The following MPPED1 variants were observed in gnomAD, a reference collection of about 807,000 sequenced individuals.
MPPED1 encodes the protein metallophosphoesterase domain-containing protein 1.
Under a neutral mutation model 36.2 loss-of-function variants are expected in MPPED1, and 16 were observed. The observed-to-expected ratio is 0.44, with a 90% CI of 0.30 to 0.67. The LOEUF (loss-of-function observed/expected upper bound fraction) is 0.67, where lower values mean the gene tolerates loss of function less well. Among genes scored for constraint, MPPED1 ranks in the 30% least tolerant of loss-of-function variants. The pLI, the probability that MPPED1 is intolerant of heterozygous loss-of-function variation, is 0.10. For synonymous variants in MPPED1, 199 were observed against 191.3 expected (o/e 1.04, Z -0.33); for missense variants, 307 against 453.4 (o/e 0.68, Z 2.93).
intron 4 of MPPED1, among the ~76,000 whole-genome samples, chr22:43,476,098 G>C (rs1011996428): frequency 6.6e-6 from 1 of 151,424 alleles, no homozygotes; most frequent in African/African-American, 2.4e-5. Context: ...GATGATGATG[G>C]TGATGGCAGG....
At chr22:43,505,421 C>A in intron 6 of MPPED1, 77 bp from the exon 7 acceptor site, 3 of 1,305,038 alleles carry the variant, frequency 2.3e-6, no homozygotes, top group Non-Finnish European at 3.2e-6. Context: ...GGGCTGAGTG[C>A]CCTATGACTG....
At chr22:43,468,862 A>T (rs1310260092) in intron 3 of MPPED1, among the ~76,000 whole-genome samples, 6 of 152,132 alleles carry the variant, frequency 3.9e-5, no homozygotes, top group Non-Finnish European at 8.8e-5. Flanking sequence ...GTGGATGCTT[A>T]GCTTCCGTTG....
chr22:43,421,262 C>T (rs560544636), intron 1 of MPPED1, among the ~76,000 whole-genome samples: 51 of 152,376 alleles, frequency 3.3e-4, no homozygotes, highest in Non-Finnish European at 5.7e-4. Flanking sequence ...CGTGCTGCTG[C>T]GGCTCCATAA....
rs542227195 is a variant in MPPED1 at position 43,491,682 on chromosome 22, G to T, written c.633-6553G>T. ...GGTGGTGATGGTGATGGAGGTGGTG[G>T]TTATGGAGGTGGTGGTGGTGATGGA... On this transcript the variant is annotated intron_variant, in intron 4 of 6. Transcript: ENST00000443721. 1.0e-4 allele frequency among the ~76,000 whole-genome samples: 15 copies of T among 146,034 alleles called. No individual in the cohort carries two copies. The South Asian group carries it at 3.3e-3, about 32-fold the overall frequency.
At chr22:43,419,437 T>C (rs1226824967) in intron 1 of MPPED1, among the ~76,000 whole-genome samples, 1 of 152,046 alleles carries the variant, frequency 6.6e-6, no homozygotes, top group African/African-American at 2.4e-5. Context: ...TGCAGGGCCT[T>C]CTGGACAGAG....
In MPPED1 at chr22:43,507,225, A is replaced by G. The variant is rs1212119016; in HGVS notation, c.*1609A>G. On this transcript the variant is annotated 3_prime_UTR_variant, in exon 7 of 7. Coordinates refer to ENST00000443721, the MANE Select transcript of MPPED1 (RefSeq NM_001044370.2). ...TGCCATGACCCGAAGTTATGTCCCT[A>G]CAAAGCAATGCATGGTCCAAGGCTC... 1 of 152,288 alleles carries G rather than the reference A, an allele frequency of 6.6e-6. No homozygotes were observed. The highest frequency in any genetic ancestry group is 1.5e-5 in the Non-Finnish European group (1 of 68,064). The allele number at this position is 152,288 out of a possible 1,614,324, so 9.4% of individuals were successfully genotyped here.
At chr22:43,498,908 C>T (rs1184035539) in intron 5 of MPPED1, among the ~76,000 whole-genome samples, 1 of 152,182 alleles carries the variant, frequency 6.6e-6, no homozygotes, top group Non-Finnish European at 1.5e-5. Flanking sequence ...TTTCCTCATT[C>T]CCACAGCCTG....
At chr22:43,458,816 C>T (rs564449104) in intron 3 of MPPED1, among the ~76,000 whole-genome samples, 45 of 152,132 alleles carry the variant, frequency 3.0e-4, no homozygotes, top group Non-Finnish European at 5.7e-4. Flanking sequence ...AATTGCTGGT[C>T]GACAGTCCTT....
intron 1 of MPPED1, among the ~76,000 whole-genome samples, chr22:43,422,847 T>C (rs754794738): frequency 2.0e-5 from 3 of 152,124 alleles, no homozygotes; most frequent in Non-Finnish European, 4.4e-5. Flanking sequence ...TACTATCAAA[T>C]CTTTTCTTTC....
intron 4 of MPPED1, among the ~76,000 whole-genome samples, chr22:43,479,020 G>A (rs1466933208): frequency 6.6e-6 from 1 of 152,192 alleles, no homozygotes; most frequent in African/African-American, 2.4e-5. Context: ...CACGGCTGAA[G>A]AACCCGCCGG....
chr22:43,472,897 T>C (rs1200918778), intron 3 of MPPED1, among the ~76,000 whole-genome samples: 1 of 152,200 alleles, frequency 6.6e-6, no homozygotes, highest in African/African-American at 2.4e-5. Flanking sequence ...ATAATGGCTG[T>C]AGTTATAGGA....
In MPPED1 at chr22:43,424,937, C is replaced by T. The variant is rs1432404317; in HGVS notation, c.-49C>T. The T allele has an allele frequency of 1.3e-6, 2 of 1,543,106 alleles. No individual in the cohort carries two copies. The highest frequency in any genetic ancestry group is 2.7e-5 in the African/African-American group (2 of 72,960). On this transcript the variant is annotated 5_prime_UTR_variant, in exon 2 of 7. Coordinates refer to ENST00000443721, the MANE Select transcript of MPPED1 (RefSeq NM_001044370.2). ...TTTCCAGGTCTGGCGGGGGGCCGGGCTGCGGTGGCGGCAGCGGTGGGAGAT... is the reference window on the plus strand; with the variant it reads ...TTTCCAGGTCTGGCGGGGGGCCGGGTTGCGGTGGCGGCAGCGGTGGGAGAT...
intron 1 of MPPED1, among the ~76,000 whole-genome samples, chr22:43,412,376 G>GCGCGGGACTCCGGCTGGGGC (rs1928933159): frequency 6.6e-6 from 1 of 152,090 alleles, no homozygotes; most frequent in African/African-American, 2.4e-5. Flanking sequence ...CTCCGCCAGG[G>GCGCGGGACTCCGGCTGGGGC]CGCGGGACTC....
intron 3 of MPPED1, among the ~76,000 whole-genome samples, chr22:43,449,964 T>C (rs2146852752): frequency 6.6e-6 from 1 of 152,218 alleles, no homozygotes; most frequent in African/African-American, 2.4e-5. Context: ...GCTGGAGAGA[T>C]GGGGCTGCAG....
intron 2 of MPPED1, among the ~76,000 whole-genome samples, chr22:43,434,576 A>C (rs1929884982): frequency 6.6e-6 from 1 of 152,210 alleles, no homozygotes; most frequent in African/African-American, 2.4e-5. Flanking sequence ...TGAGGTACCT[A>C]AACACACGTA....
chr22:43,460,094 C>A (rs1258810274), intron 3 of MPPED1, among the ~76,000 whole-genome samples: 1 of 152,052 alleles, frequency 6.6e-6, no homozygotes, highest in Admixed American at 6.5e-5. Flanking sequence ...GTAGTCCCAG[C>A]TACTCAGGAG....
chr22:43,446,758 G>A (rs761088648), intron 3 of MPPED1, among the ~76,000 whole-genome samples: 6 of 152,138 alleles, frequency 3.9e-5, no homozygotes, highest in Admixed American at 6.5e-5. Context: ...AACCTAGGGC[G>A]CAAGGCTGAA....
At chr22:43,445,307 T>A (rs1306242032) in intron 3 of MPPED1, among the ~76,000 whole-genome samples, 1 of 152,246 alleles carries the variant, frequency 6.6e-6, no homozygotes, top group Non-Finnish European at 1.5e-5. Context: ...TTGTGCTTTC[T>A]ATCCCCCCCA....
chr22:43,470,693 G>T (rs1447372385), intron 3 of MPPED1, among the ~76,000 whole-genome samples: 1 of 152,224 alleles, frequency 6.6e-6, no homozygotes, highest in Non-Finnish European at 1.5e-5. Flanking sequence ...CTCTGTAATT[G>T]TCAGTCATTT....
Sources: allele counts gnomAD v4.1 joint callset (sites outside exome capture counted in the v4.1 genomes callset), GRCh38; gene constraint gnomAD v4.1.1; transcripts MANE v1.5; gene names NCBI Gene and HGNC (gene_info 2026-07-23, HGNC 2026-07-21).